CROCC: variants seen among roughly 807,000 people sequenced by gnomAD.
The protein encoded by CROCC is rootletin.
CROCC carries 180 observed loss-of-function variants against 245.2 expected under a neutral mutation model. The observed-to-expected ratio is 0.73, with a 90% confidence interval of 0.65 to 0.83. CROCC has a LOEUF of 0.83. Ranked by LOEUF, CROCC falls within the 40% of genes least tolerant of loss-of-function variation. The pLI is 0.00. For synonymous variants in CROCC, 1,205 were observed against 1,241.6 expected, an observed-to-expected ratio of 0.97 and a Z score of 0.62; for missense variants, 2,688 against 2,779.4, an observed-to-expected ratio of 0.97 and a Z score of 0.74.
chr1:16,937,889 A>T (rs1233585650), intron 10 of CROCC, 152 bp downstream of exon 10: 1 of 699,602 alleles, frequency 1.4e-6, no homozygotes, highest in Non-Finnish European at 2.5e-6. Flanking sequence ...CTTTGTGGGA[A>T]GCACACTCAC....
chr1:16,972,332 C>T lies in CROCC; in HGVS notation c.5968-28C>T, dbSNP rs2076535454. 6 of 1,598,918 alleles carry T rather than the reference C, an allele frequency of 3.8e-6. No homozygotes were observed. The East Asian group carries it at 8.9e-5, about 24-fold the overall frequency. On this transcript the variant is annotated intron_variant, in intron 36 of 36. Transcript: ENST00000375541. ...CTCTGAAGCCAGGCTGAGGACCTGG[C>T]TGGCCTTACCTTCCCTTTCTTCCCC...
intron 13 of CROCC, among the ~76,000 whole-genome samples, chr1:16,942,927 G>A (rs1274371099): frequency 7.9e-5 from 12 of 152,216 alleles, no homozygotes; most frequent in South Asian, 2.1e-4. Context: ...CCAACATGGC[G>A]AAACCCCATC....
chr1:16,969,655 G>C (rs2076480079), intron 32 of CROCC, 130 bp from the exon 33 acceptor site: 5 of 1,341,196 alleles, frequency 3.7e-6, no homozygotes. Flanking sequence ...GATGGGTTTG[G>C]TGTGCACCCC....
At position 16,944,298 on chromosome 1, in the gene CROCC, C is replaced by A; in HGVS notation, c.1991+16C>A. ...TTGAGCGCAGGTGAGCAGCATCTCGCCACCCTGCCAGGACCCTTCAGATGT... is the reference window on the plus strand; with the variant it reads ...TTGAGCGCAGGTGAGCAGCATCTCGACACCCTGCCAGGACCCTTCAGATGT... On this transcript the variant is annotated intron_variant, in intron 14 of 36. Coordinates refer to ENST00000375541, the MANE Select transcript of CROCC (RefSeq NM_014675.5). 6 of 1,520,540 alleles carry A rather than the reference C, an allele frequency of 3.9e-6. No homozygotes were observed. The highest frequency in any genetic ancestry group is 5.3e-6 in the Non-Finnish European group (6 of 1,132,382). The allele number at this position is 1,520,540 out of a possible 1,614,324, so 94.2% of individuals were successfully genotyped here. A position where few individuals can be genotyped will look rare whatever the true frequency, so the allele number is the denominator to read the frequency against.
At chr1:16,927,690 C>T (rs2075566905) in intron 3 of CROCC, among the ~76,000 whole-genome samples, 1 of 152,302 alleles carries the variant, frequency 6.6e-6, no homozygotes, top group Non-Finnish European at 1.5e-5. Flanking sequence ...GTGAGAGCCA[C>T]CAACATCAGT....
intron 17 of CROCC, 101 bp from the exon 18 acceptor site, chr1:16,948,230 G>C (rs1177023276): frequency 1.4e-6 from 2 of 1,440,270 alleles, no homozygotes; most frequent in East Asian, 5.0e-5. Flanking sequence ...CTCAAACCCA[G>C]GCCTTCTGCC....
chr1:16,965,155 T>G (rs2076397665), intron 27 of CROCC, among the ~76,000 whole-genome samples: 1 of 152,246 alleles, frequency 6.6e-6, no homozygotes, highest in Non-Finnish European at 1.5e-5. Context: ...GTGCCAGCCT[T>G]GCCTGGGAAG....
chr1:16,948,259 G>C (rs1292098565), intron 17 of CROCC, 72 bp from the exon 18 acceptor site: 2 of 1,465,940 alleles, frequency 1.4e-6, no homozygotes, highest in African/African-American at 2.8e-5. Context: ...GTTAGGCCCA[G>C]AGTTGGGGTG....
intron 21 of CROCC, chr1:16,953,686 C>T (rs1173032099): frequency 3.6e-6 from 2 of 553,642 alleles, no homozygotes; most frequent in South Asian, 2.3e-5. Flanking sequence ...ACAGTGAGCA[C>T]TTACTGAGTG....
intron 3 of CROCC, among the ~76,000 whole-genome samples, chr1:16,925,799 C>T (rs1305176671): frequency 1.2e-4 from 18 of 152,392 alleles, no homozygotes; most frequent in East Asian, 3.9e-4. Flanking sequence ...GTAGGCGGCC[C>T]GCAGTGGCCC....
upstream of CROCC, among the ~76,000 whole-genome samples, chr1:16,920,346 G>A (rs1292089008): frequency 6.6e-6 from 1 of 152,214 alleles, no homozygotes; most frequent in East Asian, 1.9e-4. Context: ...CAAAGTGCTG[G>A]GATTACAGGC....
At chr1:16,964,735 G>A (rs2076391850) in intron 27 of CROCC, among the ~76,000 whole-genome samples, 1 of 152,144 alleles carries the variant, frequency 6.6e-6, no homozygotes, top group South Asian at 2.1e-4. Context: ...CCAGGCTGGA[G>A]TGCAGCGGTT....
intron 27 of CROCC, among the ~76,000 whole-genome samples, chr1:16,964,243 T>G (rs2076383122): frequency 6.6e-6 from 1 of 150,614 alleles, no homozygotes; most frequent in Non-Finnish European, 1.5e-5. Flanking sequence ...GTGCTTTTCC[T>G]GCCTCAGCCT....
intron 27 of CROCC, among the ~76,000 whole-genome samples, chr1:16,962,736 AT>A (rs869142735): frequency 1.8e-3 from 247 of 140,062 alleles, no homozygotes; most frequent in Middle Eastern, 3.7e-3. Flanking sequence ...ATATATGTAT[AT>A]TTTTTTTTTT....
intron 36 of CROCC, among the ~76,000 whole-genome samples, chr1:16,972,034 G>A (rs548247084): frequency 5.3e-5 from 8 of 152,348 alleles, no homozygotes; most frequent in African/African-American, 1.9e-4. Flanking sequence ...GCCTGAGCCA[G>A]CCTTGTCGGC....
Position 16,946,753 on chromosome 1 carries a change from G to T in CROCC, c.2284-8G>T. ...GCTCACGAGGCCCCACTCCTACCTGGCCTCCAGCTGGAGGAAGAAAAGTCC... is the reference window on the plus strand; with the variant it reads ...GCTCACGAGGCCCCACTCCTACCTGTCCTCCAGCTGGAGGAAGAAAAGTCC... On this transcript the variant is annotated splice_polypyrimidine_tract_variant and splice_region_variant and intron_variant, in intron 16 of 36. Transcript: ENST00000375541. The T allele has an allele frequency of 2.6e-6, 4 of 1,550,742 alleles. No individual in the cohort carries two copies. Among genetic ancestry groups the T allele is most frequent in the Non-Finnish European group, 3.5e-6 (4 of 1,146,572 alleles).
At chr1:16,937,867 C>G in intron 10 of CROCC, 130 bp downstream of exon 10, 1 of 783,810 alleles carries the variant, frequency 1.3e-6, no homozygotes, top group Non-Finnish European at 2.2e-6. Flanking sequence ...TCAGCCCTCA[C>G]AGGTGTGCAG....
chr1:16,968,211 C>G lies in CROCC; in HGVS notation c.4869C>G (p.Ile1623Met). The G allele has an allele frequency of 1.2e-5, 19 of 1,563,276 alleles. No homozygotes were observed. The highest frequency in any genetic ancestry group is 4.8e-5 in the East Asian group (2 of 42,042). Residue 1623 changes from isoleucine (I) to methionine (M), a missense_variant, in exon 31 of 37, where the codon ATC (isoleucine) becomes ATG (methionine). This residue lies in a region of CROCC where 1,218 missense variants were observed against 1,286.3 expected (regional missense o/e 0.95). Transcript: ENST00000375541. ...ESELRASQEK[I>M]SKMKANETKL... is the part of the protein sequence containing the mutation. ...CCCCATGCCACCTGCAGGAGAAGAT[C>G]AGCAAGATGAAGGCCAATGAGACAA...
At chr1:16,919,120 T>C (rs1201117433), upstream of CROCC, among the ~76,000 whole-genome samples, 1 of 152,298 alleles carries the variant, frequency 6.6e-6, no homozygotes, top group Non-Finnish European at 1.5e-5. Context: ...TTTCTTGGTT[T>C]TCCATTTGCA....
Sources: gnomAD v4.1 joint callset for allele counts (sites outside exome capture counted in the v4.1 genomes callset) on GRCh38, gnomAD v4.1.1 for gene constraint, gnomAD v4.1.1 regional missense constraint, MANE v1.5 for transcripts, NCBI Gene and HGNC (gene_info 2026-07-23, HGNC 2026-07-21) for gene names.